Variants in CD6 observed in about 807,000 individuals in gnomAD.
The protein encoded by CD6 is CD6 molecule.
CD6 carries 53 observed loss-of-function variants against 75.3 expected under a neutral mutation model. The observed-to-expected ratio is 0.70, with a 90% confidence interval of 0.56 to 0.88. The LOEUF is 0.88. Among genes scored for constraint, CD6 ranks in the 40% least tolerant of loss-of-function variants. The pLI, the probability that CD6 is intolerant of heterozygous loss-of-function variation, is 0.00. For missense variants in CD6, 770 were observed against 897.1 expected (o/e 0.86, Z 1.81); for synonymous variants, 359 against 381.5 (o/e 0.94, Z 0.69).
chr11:61,005,449 A>T (rs2237998), intron 1 of CD6, among the ~76,000 whole-genome samples: 1 of 152,228 alleles, frequency 6.6e-6, no homozygotes, highest in South Asian at 2.1e-4. Flanking sequence ...TGAATCTGAC[A>T]GAAGCCATAA....
chr11:61,018,621 T>C (rs893540861), intron 12 of CD6: 18 of 526,342 alleles, frequency 3.4e-5, no homozygotes, highest in Non-Finnish European at 5.8e-5. Flanking sequence ...AATTTACGAC[T>C]AGCCCCGGGA....
chr11:60,980,597 G>C (rs1458009336), intron 1 of CD6, among the ~76,000 whole-genome samples: 1 of 152,220 alleles, frequency 6.6e-6, no homozygotes, highest in Non-Finnish European at 1.5e-5. Context: ...GGGAGGTCAA[G>C]TAGGGCGGAT....
chr11:60,983,224 G>T (rs1857654810), intron 1 of CD6, among the ~76,000 whole-genome samples: 1 of 151,776 alleles, frequency 6.6e-6, no homozygotes, highest in Non-Finnish European at 1.5e-5. Context: ...AGCCTCCCGA[G>T]TAGCTGGGAC....
In CD6 at chr11:61,007,424, A is replaced by G. The variant is rs1858914120; in HGVS notation, c.119-136A>G. 2 of 651,024 alleles carry G rather than the reference A, an allele frequency of 3.1e-6. No homozygotes were observed. The highest frequency in any genetic ancestry group is 4.7e-6 in the Non-Finnish European group (2 of 425,296). The allele number at this position is 651,024 out of a possible 1,614,324, so 40.3% of individuals were successfully genotyped here. A position where few individuals can be genotyped will look rare whatever the true frequency, so the allele number is the denominator to read the frequency against. On this transcript the variant is annotated intron_variant, in intron 2 of 12. Transcript: ENST00000313421. The surrounding 1 kb of genome is among the most constrained non-coding windows in gnomAD (Gnocchi z 4.2). ...CTCAGGGATGAGCCAGCCCGGCTCC[A>G]TTTTGCAGACTGGAAAGCTGAGACC...
At chr11:60,971,976 G>A in intron 1 of CD6, 62 bp downstream of exon 1, 1 of 1,535,730 alleles carries the variant, frequency 6.5e-7, no homozygotes, top group Non-Finnish European at 9.0e-7. Flanking sequence ...GGCCCTCTCA[G>A]TCCCCTTTCT....
intron 12 of CD6, 21 bp from the exon 13 acceptor site, chr11:61,019,233 T>A (rs1859565073): frequency 3.1e-6 from 5 of 1,604,734 alleles, no homozygotes; most frequent in Non-Finnish European, 4.3e-6. Flanking sequence ...CTCCCACTAA[T>A]CTGGGCCTCT....
At chr11:60,997,651 G>A (rs1273156139) in intron 1 of CD6, among the ~76,000 whole-genome samples, 2 of 152,058 alleles carry the variant, frequency 1.3e-5, no homozygotes, top group Non-Finnish European at 2.9e-5. Context: ...AGTTTCACCA[G>A]AAACATTCAA....
At chr11:60,984,645 G>T (rs1343586702) in intron 1 of CD6, among the ~76,000 whole-genome samples, 2 of 152,214 alleles carry the variant, frequency 1.3e-5, no homozygotes, top group Non-Finnish European at 2.9e-5. Flanking sequence ...TTTTAAAATA[G>T]TATCATTTCA....
Position 61,017,951 on chromosome 11 carries a change from G to A in CD6, c.1775G>A (p.Arg592Lys). The A allele has an allele frequency of 1.2e-6, 2 of 1,613,714 alleles. No homozygotes were observed. Among genetic ancestry groups the A allele is most frequent in the Non-Finnish European group, 1.7e-6 (2 of 1,180,048 alleles). Residue 592 changes from arginine to lysine, a missense_variant, in exon 11 of 13, where the codon AGG (arginine) becomes AAG (lysine). By Grantham distance (26) the Arg-to-Lys change is conservative. Coordinates refer to ENST00000313421, the MANE Select transcript of CD6 (RefSeq NM_006725.5). ...AACCCCCAGGTGTTTTCTTCAGAGA[G>A]GAGTTCCTTCCTGGAGCAGCCCCCA... ...PWNPQVFSSE[R>K]SSFLEQPPNL...
chr11:60,971,756 G>C lies in CD6; in HGVS notation c.-110G>C. On this transcript the variant is annotated 5_prime_UTR_variant, in exon 1 of 13. Transcript: ENST00000313421. The stretch of plus-strand genomic sequence containing the variant: ...GAGACACAGGAACAAGAACAGCAAA[G>C]GGTAGAGCAGACCTGCGCCAGGGGC... 1 of 1,039,084 alleles carries C rather than the reference G, an allele frequency of 9.6e-7. No homozygotes were observed. Among genetic ancestry groups the C allele is most frequent in the Non-Finnish European group, 1.5e-6 (1 of 684,706 alleles). 64.4% of individuals were successfully genotyped at this position (1,039,084 alleles called of 1,614,324 possible).
intron 7 of CD6, among the ~76,000 whole-genome samples, 169 bp from the exon 8 acceptor site, chr11:61,013,750 G>A (rs961830083): frequency 6.6e-6 from 1 of 152,140 alleles, no homozygotes; most frequent in African/African-American, 2.4e-5. Flanking sequence ...ACCAGACTGT[G>A]CATGTGTGTG....
intron 12 of CD6, 29 bp downstream of exon 12, chr11:61,018,422 A>T (rs1457113260): frequency 6.6e-7 from 1 of 1,514,932 alleles, no homozygotes; most frequent in Admixed American, 1.9e-5. Context: ...GGGATGTGGG[A>T]GGGGGACAGA....
intron 1 of CD6, among the ~76,000 whole-genome samples, chr11:61,002,208 G>A (rs189508945): frequency 9.9e-4 from 151 of 152,270 alleles, no homozygotes; most frequent in African/African-American, 3.4e-3. Flanking sequence ...TGATTCAGCC[G>A]TTTCCCCTGT....
rs531971527 is a variant in CD6 at position 60,992,705 on chromosome 11, G to A, written c.50-13869G>A. Among the ~76,000 whole-genome samples, 517 of 152,136 alleles carry A rather than the reference G, an allele frequency of 3.4e-3. 2 individuals carry two copies. The highest frequency in any genetic ancestry group is 0.017 in the Middle Eastern group (5 of 294). ...TAGCCGAGCATGGTGGCGTGCACCT[G>A]TAATCCCAGCTATTAGGGAGACTGA... On this transcript the variant is annotated intron_variant, in intron 1 of 12. Coordinates refer to ENST00000313421, the MANE Select transcript of CD6 (RefSeq NM_006725.5).
At chr11:61,015,907 G>A in intron 9 of CD6, 72 bp downstream of exon 9, 2 of 1,574,754 alleles carry the variant, frequency 1.3e-6, no homozygotes, top group Non-Finnish European at 1.7e-6. Context: ...GGACCGTCAG[G>A]TCAGTAGTCC....
intron 1 of CD6, among the ~76,000 whole-genome samples, chr11:60,977,895 C>G (rs1857420335): frequency 1.3e-5 from 2 of 152,118 alleles, no homozygotes; most frequent in East Asian, 1.9e-4. Flanking sequence ...TATAAATCAC[C>G]ATCATGATTA....
At chr11:60,994,457 C>A (rs867025061) in intron 1 of CD6, among the ~76,000 whole-genome samples, 19 of 52,958 alleles carry the variant, frequency 3.6e-4, no homozygotes, top group East Asian at 6.6e-4. Flanking sequence ...ACACCCCCGC[C>A]AAAAAAAAAA....
chr11:61,004,952 G>T (rs1858779721), intron 1 of CD6, among the ~76,000 whole-genome samples: 1 of 152,172 alleles, frequency 6.6e-6, no homozygotes, highest in African/African-American at 2.4e-5. Flanking sequence ...CAACCTAAGT[G>T]CAAGAGAAAC....
chr11:60,987,300 T>C (rs1272248914), intron 1 of CD6, among the ~76,000 whole-genome samples: 2 of 152,170 alleles, frequency 1.3e-5, no homozygotes, highest in Non-Finnish European at 2.9e-5. Flanking sequence ...CTCCGCCTTA[T>C]CTTAAAATGG....
Sources: allele counts gnomAD v4.1 joint callset (sites outside exome capture counted in the v4.1 genomes callset), GRCh38; gene constraint gnomAD v4.1.1; non-coding constraint Gnocchi (gnomAD v3.1); transcripts MANE v1.5; gene names NCBI Gene and HGNC (gene_info 2026-07-23, HGNC 2026-07-21).